XKR9: variants seen among roughly 807,000 people sequenced by gnomAD.
XKR9 encodes XK-related protein 9.
Under a neutral mutation model 32.0 loss-of-function variants are expected in XKR9, and 32 were observed. The observed-to-expected ratio is 1.00, with a 90% CI of 0.76 to 1.34. XKR9 has a LOEUF of 1.34. XKR9 is among the 40% of genes most tolerant of loss of function. The pLI, the probability that XKR9 is intolerant of heterozygous loss-of-function variation, is 0.00. For synonymous variants in XKR9, 168 were observed against 143.4 expected, an observed-to-expected ratio of 1.17 and a Z score of -1.22; for missense variants, 546 against 429.7, an observed-to-expected ratio of 1.27 and a Z score of -2.39.
intron 2 of XKR9, among the ~76,000 whole-genome samples, chr8:70,785,657 C>T (rs2130260188): frequency 6.9e-6 from 1 of 144,978 alleles, no homozygotes; most frequent in Non-Finnish European, 1.5e-5. Context: ...TATAAATTTT[C>T]CTCTTAGAAC....
the XKR9 span, among the ~76,000 whole-genome samples, chr8:70,816,200 A>G: frequency 1.1e-3 from 175 of 152,298 alleles, no homozygotes; most frequent in Middle Eastern, 3.4e-3. Flanking sequence ...ACATATTTGC[A>G]CCCAACTAAT....
chr8:70,815,020 T>C, the XKR9 span, among the ~76,000 whole-genome samples: 2 of 152,192 alleles, frequency 1.3e-5, no homozygotes, highest in African/African-American at 2.4e-5. Context: ...AAATGCCTAA[T>C]AGTTTATTTG....
At chr8:70,973,180 G>C in the XKR9 span, among the ~76,000 whole-genome samples, 16 of 151,922 alleles carry the variant, frequency 1.1e-4, no homozygotes, top group Non-Finnish European at 2.2e-4. Context: ...TATATCTTCT[G>C]GCTTAATCTA....
At chr8:70,736,407 T>G (rs1012967506), downstream of XKR9, among the ~76,000 whole-genome samples, 3 of 152,114 alleles carry the variant, frequency 2.0e-5, no homozygotes, top group Non-Finnish European at 4.4e-5. Context: ...TTTTCTCCCA[T>G]TTTGTAGGTT....
chr8:71,050,258 TATAGATAGATAGATAG>T, the XKR9 span, among the ~76,000 whole-genome samples: 3 of 106,620 alleles, frequency 2.8e-5, no homozygotes, highest in African/African-American at 1.1e-4. Flanking sequence ...TATATATATA[TATAGATAGATAGATAG>T]ATATAGATAT....
chr8:70,718,960 A>C (rs1392246759), intron 4 of XKR9, among the ~76,000 whole-genome samples: 4 of 152,136 alleles, frequency 2.6e-5, no homozygotes, highest in Non-Finnish European at 5.9e-5. Context: ...TTATTTCTCC[A>C]GATACTCTCC....
the XKR9 span, among the ~76,000 whole-genome samples, chr8:70,995,875 A>G: frequency 6.6e-6 from 1 of 152,014 alleles, no homozygotes; most frequent in East Asian, 1.9e-4. Flanking sequence ...TTCTTCACCC[A>G]ATTCACATTT....
At chr8:70,692,471 G>A (rs1805110060) in intron 3 of XKR9, among the ~76,000 whole-genome samples, 1 of 152,108 alleles carries the variant, frequency 6.6e-6, no homozygotes, top group Admixed American at 6.6e-5. Flanking sequence ...TAGAAGTGGA[G>A]AGAGAGGGCA....
the XKR9 span, among the ~76,000 whole-genome samples, chr8:70,930,901 T>G: frequency 1.3e-5 from 2 of 152,112 alleles, no homozygotes; most frequent in African/African-American, 4.8e-5. Context: ...CCAAAGAGCA[T>G]CACCATCAGA....
At chr8:70,920,377 A>G in the XKR9 span, among the ~76,000 whole-genome samples, 13 of 152,300 alleles carry the variant, frequency 8.5e-5, no homozygotes, top group African/African-American at 2.9e-4. Context: ...CCCTCCTTAC[A>G]AAGCATATTT....
chr8:70,993,668 TCCTC>T, the XKR9 span, among the ~76,000 whole-genome samples: 1 of 142,384 alleles, frequency 7.0e-6, no homozygotes, highest in East Asian at 2.1e-4. Flanking sequence ...CTTCCTTCCT[TCCTC>T]CCATCCTTCC....
chr8:70,850,193 G>A, the XKR9 span, among the ~76,000 whole-genome samples: 1 of 152,046 alleles, frequency 6.6e-6, no homozygotes, highest in Admixed American at 6.6e-5. Context: ...TGGGCACGGT[G>A]GCTCACACCT....
At chr8:70,951,022 G>A in the XKR9 span, among the ~76,000 whole-genome samples, 2 of 152,152 alleles carry the variant, frequency 1.3e-5, no homozygotes, top group Non-Finnish European at 2.9e-5. Context: ...CGTAGACGTC[G>A]GACTGTGCCC....
the XKR9 span, among the ~76,000 whole-genome samples, chr8:70,891,989 A>G: frequency 6.6e-6 from 1 of 151,964 alleles, no homozygotes; most frequent in Non-Finnish European, 1.5e-5. Context: ...TGCTGCATTG[A>G]TTCCTTCATT....
chr8:70,681,135 T>G lies in XKR9; in HGVS notation c.77T>G (p.Ile26Arg), dbSNP rs754654052. The change falls in exon 3 of 5, where the codon ATA becomes AGA. Residue 26 changes from isoleucine to arginine, a missense_variant. Ile to Arg is a moderately conservative substitution (Grantham distance 97). Transcript: ENST00000408926. ...IIYVTDLIVD[I>R]WVSVRFFHEG... is the part of the protein sequence containing the mutation. The stretch of plus-strand genomic sequence containing the variant: ...TACGTAACTGATTTAATTGTGGACA[T>G]ATGGGTATCTGTCAGATTTTTCCAT... 6.2e-7 allele frequency: 1 copy of G among 1,613,182 alleles called. No homozygotes were observed. Among genetic ancestry groups the G allele is most frequent in the Non-Finnish European group, 8.5e-7 (1 of 1,179,364 alleles).
chr8:70,891,093 A>G, the XKR9 span, among the ~76,000 whole-genome samples: 1 of 151,942 alleles, frequency 6.6e-6, no homozygotes, highest in East Asian at 1.9e-4. Flanking sequence ...AGTTATCTGG[A>G]ATAATCTCTA....
At chr8:70,904,772 C>A in the XKR9 span, among the ~76,000 whole-genome samples, 1 of 152,124 alleles carries the variant, frequency 6.6e-6, no homozygotes, top group African/African-American at 2.4e-5. Context: ...TTGTTCCTTT[C>A]CATGTTTAGT....
At chr8:70,923,095 C>T in the XKR9 span, among the ~76,000 whole-genome samples, 4 of 152,186 alleles carry the variant, frequency 2.6e-5, no homozygotes, top group African/African-American at 7.2e-5. Context: ...TTCAGAGTGA[C>T]GTCCTGCAGA....
In XKR9 at chr8:70,681,032, G is replaced by T. The variant is rs750774042; in HGVS notation, c.-27G>T. 3.8e-6 allele frequency: 6 copies of T among 1,573,666 alleles called. No individual in the cohort carries two copies. The highest frequency in any genetic ancestry group is 5.2e-6 in the Non-Finnish European group (6 of 1,160,928). ...CCTTTTTGTGAGGGAGAAAAAAGTA[G>T]ATAACGAAAAGCTATAGTCATTCGT... On this transcript the variant is annotated 5_prime_UTR_variant, in exon 3 of 5. Transcript: ENST00000408926.
Sources: gnomAD v4.1 joint callset for allele counts (sites outside exome capture counted in the v4.1 genomes callset) on GRCh38, gnomAD v4.1.1 for gene constraint, MANE v1.5 for transcripts, NCBI Gene and HGNC (gene_info 2026-07-23, HGNC 2026-07-21) for gene names.